Variants in CDH4 observed in about 807,000 individuals in gnomAD.
The protein encoded by CDH4 is cadherin-4.
In CDH4, 33 loss-of-function variants were observed where a neutral mutation model predicts 86.0. The ratio of observed to expected loss-of-function variants is 0.38; its 90% CI spans 0.29 to 0.51. CDH4 has a LOEUF of 0.51. CDH4 is among the 20% of genes least tolerant of loss of function. The pLI is 0.86. For missense variants in CDH4, 1,114 were observed against 1,307.4 expected (o/e 0.85, Z 2.28); for synonymous variants, 555 against 549.4 (o/e 1.01, Z -0.14).
chr20:61,890,850 C>T (rs1291199631), intron 7 of CDH4, among the ~76,000 whole-genome samples: 1 of 152,088 alleles, frequency 6.6e-6, no homozygotes, highest in African/African-American at 2.4e-5. Flanking sequence ...TACTGTGTGC[C>T]AGGTCTGTAT....
rs774875589 is a variant in CDH4, at chr20:61,810,526, CAG to C, written c.577-34141_577-34140del. Among the ~76,000 whole-genome samples, 3 of 152,154 alleles carry C rather than the reference CAG, an allele frequency of 2.0e-5. No individual in the cohort carries two copies. The highest frequency in any genetic ancestry group is 4.4e-5 in the Non-Finnish European group (3 of 68,006). Reference sequence around the variant, plus strand: ...AGGGAGCGTGTACGGGAACCAGAATCAGGGAGCCACAGGCACACAGGAAGCCC... The same window carrying C: ...AGGGAGCGTGTACGGGAACCAGAATCGGAGCCACAGGCACACAGGAAGCCC... On this transcript the variant is annotated intron_variant, in intron 4 of 15. Transcript: ENST00000614565. This position sits in a 1 kb window ranked among gnomAD's most constrained non-coding sequence, Gnocchi z 4.3.
chr20:61,767,112 G>T (rs1163980755), intron 3 of CDH4, among the ~76,000 whole-genome samples: 1 of 152,236 alleles, frequency 6.6e-6, no homozygotes, highest in Non-Finnish European at 1.5e-5. Context: ...TGTCTGGGAA[G>T]TCACTTGGGC....
chr20:61,297,336 C>T (rs2123196523), intron 2 of CDH4, among the ~76,000 whole-genome samples: 1 of 152,270 alleles, frequency 6.6e-6, no homozygotes. Flanking sequence ...CAATGAGGAG[C>T]CGAGATCGCG....
intron 4 of CDH4, among the ~76,000 whole-genome samples, chr20:61,814,458 C>T (rs1388093861): frequency 6.6e-6 from 1 of 152,176 alleles, no homozygotes; most frequent in Non-Finnish European, 1.5e-5. Flanking sequence ...CGACGACGAT[C>T]CCTGCAGACC....
chr20:61,298,813 C>CT (rs11479514), intron 2 of CDH4, among the ~76,000 whole-genome samples: 12 of 149,402 alleles, frequency 8.0e-5, no homozygotes, highest in African/African-American at 2.9e-4. Flanking sequence ...TGGTGAGAGT[C>CT]TTTTTTTTTT....
rs577387469 is a variant in CDH4, at chr20:61,346,746, A to G, written c.169+91809A>G. 9.2e-3 allele frequency among the ~76,000 whole-genome samples: 1,380 copies of G among 149,382 alleles called. 15 individuals carry two copies. Among genetic ancestry groups the G allele is most frequent in the African/African-American group, 0.032 (1,302 of 40,682 alleles). On this transcript the variant is annotated intron_variant, in intron 2 of 15. Coordinates refer to ENST00000614565, the MANE Select transcript of CDH4 (RefSeq NM_001794.5). ...GTGACAGAGCGAGACTCTGTCAAAA[A>G]AAAAAAAAAAATTAACCCCTCTGCT...
intron 6 of CDH4, among the ~76,000 whole-genome samples, chr20:61,853,213 G>C (rs748496908): frequency 3.3e-5 from 5 of 152,174 alleles, no homozygotes; most frequent in Non-Finnish European, 7.3e-5. Flanking sequence ...CAGCTGGCGT[G>C]TGGGCTGGGA....
rs370199887 is a variant in CDH4 at position 61,856,358 on chromosome 20, C to A, written c.877+3460C>A. ...GTACAGGCCCGGGATCCATGAGGGTCCTGTGTGCCCCCCACACTCTTCTCC... is the reference window on the plus strand; with the variant it reads ...GTACAGGCCCGGGATCCATGAGGGTACTGTGTGCCCCCCACACTCTTCTCC... On this transcript the variant is annotated intron_variant, in intron 6 of 15. Transcript: ENST00000614565. Among the ~76,000 whole-genome samples the A allele has an allele frequency of 1.8e-4, 27 of 152,056 alleles. No individual in the cohort carries two copies. In the East Asian group the frequency reaches 4.8e-3, roughly 27 times the overall value.
At position 61,703,604 on chromosome 20, in the gene CDH4, C is replaced by T. The variant is rs1483102743; in HGVS notation, c.170-39959C>T. On this transcript the variant is annotated intron_variant, in intron 2 of 15. Transcript: ENST00000614565. The surrounding 1 kb of genome is among the most constrained non-coding windows in gnomAD (Gnocchi z 4.3). ...TCCCTTCCCCGTCGCACCTCTTCCC[C>T]GTGCCTGGATGAATCTGCAAAGAGA... Among the ~76,000 whole-genome samples the T allele has an allele frequency of 2.0e-5, 3 of 152,182 alleles. No homozygotes were observed. The highest frequency in any genetic ancestry group is 4.4e-5 in the Non-Finnish European group (3 of 68,038).
intron 2 of CDH4, among the ~76,000 whole-genome samples, chr20:61,338,114 T>A (rs1323739885): frequency 1.3e-5 from 2 of 152,134 alleles, no homozygotes; most frequent in African/African-American, 4.8e-5. Flanking sequence ...CCTCTAGCTA[T>A]CCTCAAAAAG....
At chr20:61,839,905 G>C (rs1459203152) in intron 4 of CDH4, among the ~76,000 whole-genome samples, 1 of 151,554 alleles carries the variant, frequency 6.6e-6, no homozygotes, top group African/African-American at 2.4e-5. Context: ...TGTGTACTGT[G>C]TGTGTGTGTG....
intron 7 of CDH4, among the ~76,000 whole-genome samples, chr20:61,876,970 G>A (rs925856892): frequency 3.9e-5 from 6 of 152,166 alleles, no homozygotes; most frequent in Non-Finnish European, 8.8e-5. Context: ...ACAAGGCCCC[G>A]GCAGTTAGTA....
chr20:61,696,930 A>C (rs1412360217), intron 2 of CDH4, among the ~76,000 whole-genome samples: 1 of 152,176 alleles, frequency 6.6e-6, no homozygotes, highest in Non-Finnish European at 1.5e-5. Context: ...TGGGGAAAAG[A>C]GAGTAAGGCC....
At chr20:61,629,373 A>G (rs1390438914) in intron 2 of CDH4, among the ~76,000 whole-genome samples, 2 of 148,262 alleles carry the variant, frequency 1.3e-5, no homozygotes, top group African/African-American at 5.1e-5. Flanking sequence ...TTGAGAGCTC[A>G]CTGATGCCAG....
At chr20:61,700,271 G>A (rs773120884) in intron 2 of CDH4, among the ~76,000 whole-genome samples, 18 of 152,182 alleles carry the variant, frequency 1.2e-4, no homozygotes, top group Non-Finnish European at 2.1e-4. Flanking sequence ...TCAGGGGAGC[G>A]CTCAGCATCG....
At chr20:61,365,969 A>G (rs1017286299) in intron 2 of CDH4, among the ~76,000 whole-genome samples, 1 of 152,184 alleles carries the variant, frequency 6.6e-6, no homozygotes, top group African/African-American at 2.4e-5. Flanking sequence ...AGATAATTTA[A>G]TGATAGTAAA....
intron 7 of CDH4, among the ~76,000 whole-genome samples, chr20:61,894,019 A>G (rs1984982341): frequency 6.6e-6 from 1 of 152,124 alleles, no homozygotes; most frequent in African/African-American, 2.4e-5. Context: ...ACGACTCAGG[A>G]TTGTTAGTCA....
intron 3 of CDH4, among the ~76,000 whole-genome samples, chr20:61,755,220 A>G (rs545554407): frequency 2.0e-5 from 3 of 151,470 alleles, no homozygotes; most frequent in East Asian, 2.0e-4. Flanking sequence ...ATTCTGGGAT[A>G]TACAATGTAA....
At chr20:61,854,363 C>T (rs1260684692) in intron 6 of CDH4, among the ~76,000 whole-genome samples, 3 of 152,184 alleles carry the variant, frequency 2.0e-5, no homozygotes, top group African/African-American at 7.2e-5. Flanking sequence ...TGAATTATAC[C>T]CTCGGTCCGC....
Sources: gnomAD v4.1 joint callset for allele counts (sites outside exome capture counted in the v4.1 genomes callset) on GRCh38, gnomAD v4.1.1 for gene constraint, Gnocchi (gnomAD v3.1) non-coding constraint, MANE v1.5 for transcripts, NCBI Gene and HGNC (gene_info 2026-07-23, HGNC 2026-07-21) for gene names.